TGFBR2: variants seen among roughly 807,000 people sequenced by gnomAD.
The protein encoded by TGFBR2 is TGF-beta receptor type-2.
A neutral mutation model predicts 49.0 loss-of-function variants in TGFBR2; 18 were observed. The ratio of observed to expected loss-of-function variants is 0.37; its 90% CI spans 0.25 to 0.54. The LOEUF is 0.54. Among genes scored for constraint, TGFBR2 ranks in the 20% least tolerant of loss-of-function variants. The pLI, the probability that TGFBR2 is intolerant of heterozygous loss-of-function variation, is 0.85. For missense variants in TGFBR2, 525 were observed against 722.6 expected (o/e 0.73, Z 3.13); for synonymous variants, 282 against 275.9 (o/e 1.02, Z -0.22).
chr3:30,607,107 G>C (rs1312942794), intron 1 of TGFBR2, 130 bp downstream of exon 1: 2 of 718,550 alleles, frequency 2.8e-6, no homozygotes, highest in Non-Finnish European at 4.7e-6. Flanking sequence ...TTTCCCCCGC[G>C]ACACTCACGC....
intron 3 of TGFBR2, among the ~76,000 whole-genome samples, chr3:30,668,076 C>A (rs1452974465): frequency 6.6e-6 from 1 of 152,090 alleles, no homozygotes; most frequent in Non-Finnish European, 1.5e-5. Flanking sequence ...ATTCTTAGGT[C>A]ATAGGACTAT....
chr3:30,647,148 C>T (rs58965035), intron 2 of TGFBR2, among the ~76,000 whole-genome samples: 47,348 of 151,992 alleles, frequency 0.31, 7,797 homozygotes, highest in East Asian at 0.68. Flanking sequence ...ACTGCTGAGC[C>T]TTCCCTCCAG....
At chr3:30,624,551 G>C (rs1243366649) in intron 1 of TGFBR2, among the ~76,000 whole-genome samples, 1 of 152,040 alleles carries the variant, frequency 6.6e-6, no homozygotes, top group Non-Finnish European at 1.5e-5. Flanking sequence ...GGGAGGCGGA[G>C]GTTGCAGTGA....
At chr3:30,615,218 C>CA (rs1172961899) in intron 1 of TGFBR2, among the ~76,000 whole-genome samples, 1 of 152,108 alleles carries the variant, frequency 6.6e-6, no homozygotes, top group Non-Finnish European at 1.5e-5. Flanking sequence ...ATATAAATGC[C>CA]AGGCTCAGGT....
chr3:30,627,463 C>A (rs965018462), intron 1 of TGFBR2, among the ~76,000 whole-genome samples: 1 of 151,938 alleles, frequency 6.6e-6, no homozygotes, highest in African/African-American at 2.4e-5. Context: ...CATGTGTAAA[C>A]CACTACAAAA....
chr3:30,661,478 G>T, intron 3 of TGFBR2: 1 of 443,214 alleles, frequency 2.3e-6, no homozygotes, highest in Non-Finnish European at 4.5e-6. Context: ...AAAGAGCAAA[G>T]GCTGAATCAG....
At chr3:30,684,704 A>G (rs183755115) in intron 5 of TGFBR2, among the ~76,000 whole-genome samples, 10 of 150,706 alleles carry the variant, frequency 6.6e-5, no homozygotes, top group Admixed American at 3.3e-4. Context: ...CAGGCCTTGT[A>G]TCCCTTGGGA....
In TGFBR2 at chr3:30,672,232, T is replaced by A; in HGVS notation, c.1049T>A (p.Leu350Gln). The change falls in exon 4 of 7, where the codon CTG (leucine) becomes CAG (glutamine). Residue 350 changes from leucine (L) to glutamine (Q), a missense_variant. Around this residue, in one of 3 missense-constraint regions of TGFBR2, gnomAD observed 376 missense variants for 478.2 expected, o/e 0.79. Coordinates refer to ENST00000295754, the MANE Select transcript of TGFBR2 (RefSeq NM_003242.6). The surrounding 1 kb of genome is among the most constrained non-coding windows in gnomAD (Gnocchi z 4.5). ...HVISWEDLRK[L>Q]GSSLARGIAH... ...ATCAGCTGGGAGGACCTGCGCAAGC[T>A]GGGCAGCTCCCTCGCCCGGGGGATT... The A allele has an allele frequency of 6.2e-7, 1 of 1,607,952 alleles. No individual in the cohort carries two copies. Among genetic ancestry groups the A allele is most frequent in the Non-Finnish European group, 8.5e-7 (1 of 1,175,426 alleles).
rs79070183 is a variant in TGFBR2, at chr3:30,639,379, G to A, written c.95-5368G>A. Among the ~76,000 whole-genome samples, 790 of 152,262 alleles carry A rather than the reference G, an allele frequency of 5.2e-3. 11 individuals carry two copies. Among genetic ancestry groups the A allele is most frequent in the African/African-American group, 0.018 (748 of 41,550 alleles). On this transcript the variant is annotated intron_variant, in intron 1 of 6. Coordinates refer to ENST00000295754, the MANE Select transcript of TGFBR2 (RefSeq NM_003242.6). ...AAATCATTCTCTATAATGTGAGTGG[G>A]CCTCATCCAATCAACTGAACAGCCT...
chr3:30,657,152 A>G lies in TGFBR2; in HGVS notation c.454+6692A>G, dbSNP rs138422197. ...CGTAGGAGAATCATAGAAGAACCAG[A>G]TAATCTTGTCTCTTATAGAAGGAAT... On this transcript the variant is annotated intron_variant, in intron 3 of 6. Transcript: ENST00000295754. 3.0e-3 allele frequency among the ~76,000 whole-genome samples: 460 copies of G among 152,290 alleles called. 1 individual carries two copies. Among genetic ancestry groups the G allele is most frequent in the African/African-American group, 0.011 (448 of 41,548 alleles).
At chr3:30,632,843 A>G (rs1336890572) in intron 1 of TGFBR2, among the ~76,000 whole-genome samples, 1 of 152,230 alleles carries the variant, frequency 6.6e-6, no homozygotes, top group East Asian at 1.9e-4. Context: ...CACAGCTAAT[A>G]CATGTAAGAG....
At chr3:30,650,566 A>G in intron 3 of TGFBR2, 106 bp downstream of exon 3, 1 of 1,232,960 alleles carries the variant, frequency 8.1e-7, no homozygotes, top group African/African-American at 1.5e-5. Context: ...TGGATTGCAT[A>G]CAGTGGATTA....
At position 30,674,227 on chromosome 3, in the gene TGFBR2, T is replaced by G; in HGVS notation, c.1377T>G (p.Ser459=). ...SMALVLWEMT[S]RCNAVGEVKD... ...CTCTGGTGCTCTGGGAAATGACATC[T>G]CGCTGTAATGCAGTGGGAGGTAGGT... Residue 459 remains serine, a synonymous_variant, in exon 5 of 7, where the codon TCT becomes TCG. Coordinates refer to ENST00000295754, the MANE Select transcript of TGFBR2 (RefSeq NM_003242.6). 6.2e-7 allele frequency: 1 copy of G among 1,614,172 alleles called. No homozygotes were observed. The highest frequency in any genetic ancestry group is 8.5e-7 in the Non-Finnish European group (1 of 1,180,010).
Position 30,606,808 on chromosome 3 carries a change from A to T in TGFBR2, c.-76A>T. The stretch of plus-strand genomic sequence containing the variant: ...GGGGTCCGGAGAGGGCGCGGCGCGG[A>T]GGCGCAGCCAGGGGTCCGGGAAGGC... On this transcript the variant is annotated 5_prime_UTR_variant, in exon 1 of 7. Coordinates refer to ENST00000295754, the MANE Select transcript of TGFBR2 (RefSeq NM_003242.6). 9.1e-7 allele frequency: 1 copy of T among 1,093,622 alleles called. No individual in the cohort carries two copies. Among genetic ancestry groups the T allele is most frequent in the Middle Eastern group, 2.9e-4 (1 of 3,448 alleles). 67.7% of individuals were successfully genotyped at this position (1,093,622 alleles called of 1,614,324 possible).
At chr3:30,632,778 T>C (rs1698460798) in intron 1 of TGFBR2, among the ~76,000 whole-genome samples, 1 of 152,196 alleles carries the variant, frequency 6.6e-6, no homozygotes, top group Admixed American at 6.5e-5. Flanking sequence ...ATCATGATCC[T>C]ACATGGGACG....
chr3:30,675,453 C>T (rs942895580), intron 5 of TGFBR2, among the ~76,000 whole-genome samples: 8 of 150,568 alleles, frequency 5.3e-5, no homozygotes, highest in Admixed American at 2.0e-4. Context: ...ATGGCGCAAT[C>T]TCGGCTGACT....
chr3:30,609,262 A>C (rs916202606), intron 1 of TGFBR2, among the ~76,000 whole-genome samples: 1 of 152,242 alleles, frequency 6.6e-6, no homozygotes, highest in African/African-American at 2.4e-5. Flanking sequence ...AAGACGAGAA[A>C]CCTAATTCTA....
chr3:30,650,841 C>T (rs1351515811), intron 3 of TGFBR2, among the ~76,000 whole-genome samples: 2 of 152,026 alleles, frequency 1.3e-5, no homozygotes, highest in East Asian at 3.9e-4. Context: ...TTTAACAAGC[C>T]CTCCCAGTAA....
chr3:30,685,140 A>G (rs1222193005), intron 5 of TGFBR2, among the ~76,000 whole-genome samples: 1 of 152,062 alleles, frequency 6.6e-6, no homozygotes, highest in Admixed American at 6.5e-5. Flanking sequence ...GAGTATAGGG[A>G]TTGTTGTTGA....
Sources: allele counts gnomAD v4.1 joint callset (sites outside exome capture counted in the v4.1 genomes callset), GRCh38; gene constraint gnomAD v4.1.1; regional missense constraint gnomAD v4.1.1; non-coding constraint Gnocchi (gnomAD v3.1); transcripts MANE v1.5; gene names NCBI Gene and HGNC (gene_info 2026-07-23, HGNC 2026-07-21).